Variants in THSD7A observed in about 807,000 individuals in gnomAD.
The protein encoded by THSD7A is thrombospondin type 1 domain containing 7A.
A neutral mutation model predicts 231.3 loss-of-function variants in THSD7A; 96 were observed. That is an observed-to-expected ratio of 0.41 (90% CI 0.35 to 0.49). THSD7A has a LOEUF of 0.49. Among genes scored for constraint, THSD7A ranks in the 20% least tolerant of loss-of-function variants. The probability of loss-of-function intolerance (pLI) is 0.05; values close to 1 mark genes in which losing one functional copy is unlikely to be tolerated. For synonymous variants in THSD7A, 940 were observed against 743.3 expected (o/e 1.26, Z -4.30); for missense variants, 2,290 against 2,070.2 (o/e 1.11, Z -2.06).
intron 1 of THSD7A, among the ~76,000 whole-genome samples, chr7:11,751,799 G>T (rs1782510085): frequency 2.0e-5 from 3 of 152,060 alleles, no homozygotes; most frequent in South Asian, 2.1e-4. Flanking sequence ...TCTGACCCAG[G>T]ATAACCCAAC....
rs1264748952 is a variant in THSD7A at position 11,474,937 on chromosome 7, G to A, written c.2018-369C>T. ...CTGAAGAATGCCTCAGATTGAAAGA[G>A]GCACTGAGAAAAATTTTGAAGGAGT... On this transcript the variant is annotated intron_variant, in intron 7 of 27. Transcript: ENST00000423059. The surrounding 1 kb of genome is among the most constrained non-coding windows in gnomAD (Gnocchi z 4.1). Among the ~76,000 whole-genome samples the A allele has an allele frequency of 2.0e-5, 3 of 152,126 alleles. No homozygotes were observed. The highest frequency in any genetic ancestry group is 2.9e-5 in the Non-Finnish European group (2 of 68,016).
At chr7:11,697,757 G>A (rs1056910134) in intron 1 of THSD7A, among the ~76,000 whole-genome samples, 3 of 151,314 alleles carry the variant, frequency 2.0e-5, no homozygotes, top group Non-Finnish European at 4.4e-5. Flanking sequence ...AAAGATCTAC[G>A]TGCAGAAAAT....
intron 23 of THSD7A, among the ~76,000 whole-genome samples, chr7:11,393,710 G>T (rs748044489): frequency 6.6e-6 from 1 of 152,132 alleles, no homozygotes; most frequent in Non-Finnish European, 1.5e-5. Flanking sequence ...CAAAAATTTC[G>T]TGAAGCATAC....
intron 4 of THSD7A, among the ~76,000 whole-genome samples, chr7:11,550,545 T>C (rs1248853006): frequency 6.6e-6 from 1 of 152,112 alleles, no homozygotes; most frequent in Non-Finnish European, 1.5e-5. Flanking sequence ...AGTGACACTT[T>C]TCCCTTTGCT....
At chr7:11,796,065 T>TATTTGG (rs1784116071) in intron 1 of THSD7A, among the ~76,000 whole-genome samples, 1 of 97,540 alleles carries the variant, frequency 1.0e-5, no homozygotes, top group Admixed American at 1.1e-4. Context: ...TATATATATA[T>TATTTGG]ATATATATAT....
intron 6 of THSD7A, among the ~76,000 whole-genome samples, chr7:11,495,891 G>C (rs186142508): frequency 8.4e-4 from 128 of 152,198 alleles, no homozygotes; most frequent in African/African-American, 2.7e-3. Context: ...AAATAACAGG[G>C]GATTTGGAGA....
intron 2 of THSD7A, among the ~76,000 whole-genome samples, chr7:11,620,863 T>C (rs79750449): frequency 0.013 from 2,018 of 152,260 alleles, 42 homozygotes; most frequent in African/African-American, 0.046. Flanking sequence ...CGATAGACAA[T>C]AAAAGCTCAC....
At chr7:11,390,700 C>G (rs149609726) in intron 23 of THSD7A, among the ~76,000 whole-genome samples, 140 of 152,280 alleles carry the variant, frequency 9.2e-4, no homozygotes, top group African/African-American at 3.0e-3. Context: ...TCAGCCCTTT[C>G]GAGCTAGTTT....
chr7:11,769,704 C>A (rs1372753671), intron 1 of THSD7A, among the ~76,000 whole-genome samples: 1 of 152,022 alleles, frequency 6.6e-6, no homozygotes, highest in Non-Finnish European at 1.5e-5. Flanking sequence ...CTACCTGAAG[C>A]TTTTCCTTCT....
chr7:11,790,913 T>G (rs1160863227), intron 1 of THSD7A, among the ~76,000 whole-genome samples: 1 of 151,960 alleles, frequency 6.6e-6, no homozygotes, highest in Non-Finnish European at 1.5e-5. Flanking sequence ...TACTTACATC[T>G]CTAAGTCCCT....
intron 1 of THSD7A, among the ~76,000 whole-genome samples, chr7:11,776,925 G>A (rs961588998): frequency 6.6e-6 from 1 of 152,118 alleles, no homozygotes; most frequent in Admixed American, 6.5e-5. Flanking sequence ...ATTAGCTTTT[G>A]AAACATTGCT....
At chr7:11,576,269 G>A (rs1388335321) in intron 4 of THSD7A, among the ~76,000 whole-genome samples, 1 of 151,982 alleles carries the variant, frequency 6.6e-6, no homozygotes, top group Admixed American at 6.5e-5. Context: ...CAATAAAGTG[G>A]GACATAATAT....
intron 1 of THSD7A, among the ~76,000 whole-genome samples, chr7:11,778,552 AAGAAG>A (rs1233814643): frequency 1.3e-5 from 2 of 152,184 alleles, no homozygotes; most frequent in African/African-American, 2.4e-5. Context: ...AGAGTCGAGG[AAGAAG>A]AGAAGAATAA....
chr7:11,494,148 C>A (rs908351158), intron 6 of THSD7A, among the ~76,000 whole-genome samples: 7 of 151,950 alleles, frequency 4.6e-5, no homozygotes, highest in African/African-American at 1.7e-4. Flanking sequence ...GCCAATGTGG[C>A]ACAAATAGTC....
intron 1 of THSD7A, among the ~76,000 whole-genome samples, chr7:11,681,878 A>G (rs1017868060): frequency 5.9e-5 from 9 of 152,038 alleles, no homozygotes; most frequent in African/African-American, 1.9e-4. Context: ...TATTACCTAT[A>G]AAGGGCATCA....
chr7:11,759,928 A>T (rs543669895), intron 1 of THSD7A, among the ~76,000 whole-genome samples: 1 of 152,196 alleles, frequency 6.6e-6, no homozygotes, highest in South Asian at 2.1e-4. Context: ...AACAGTACAT[A>T]TATGTGAGTG....
chr7:11,709,604 A>G (rs1449157264), intron 1 of THSD7A, among the ~76,000 whole-genome samples: 1 of 150,896 alleles, frequency 6.6e-6, no homozygotes, highest in East Asian at 2.0e-4. Context: ...ACACTATTTT[A>G]AAAAATACAG....
intron 6 of THSD7A, among the ~76,000 whole-genome samples, chr7:11,484,357 C>A (rs78040059): frequency 0.07 from 10,679 of 152,096 alleles, 482 homozygotes; most frequent in Non-Finnish European, 0.096. Flanking sequence ...CAGTTTTGCA[C>A]TTTCTCTTCA....
intron 4 of THSD7A, among the ~76,000 whole-genome samples, chr7:11,578,001 T>C (rs1257386898): frequency 6.6e-6 from 1 of 152,146 alleles, no homozygotes; most frequent in Admixed American, 6.5e-5. Flanking sequence ...TTAGAAAAGG[T>C]CTATTTTTTT....
Sources: allele counts gnomAD v4.1 joint callset (sites outside exome capture counted in the v4.1 genomes callset), GRCh38; gene constraint gnomAD v4.1.1; non-coding constraint Gnocchi (gnomAD v3.1); transcripts MANE v1.5; gene names NCBI Gene and HGNC (gene_info 2026-07-23, HGNC 2026-07-21).